MIPOL1: variants seen among roughly 807,000 people sequenced by gnomAD.
The protein encoded by MIPOL1 is mirror-image polydactyly gene 1 protein.
Under a neutral mutation model 60.9 loss-of-function variants are expected in MIPOL1, and 57 were observed. The ratio of observed to expected loss-of-function variants is 0.94; its 90% CI spans 0.76 to 1.17. MIPOL1 has a LOEUF of 1.17. Among genes scored for constraint, MIPOL1 ranks in the 50% most tolerant of loss-of-function variants. The probability of loss-of-function intolerance (pLI) is 0.00; values close to 1 mark genes in which losing one functional copy is unlikely to be tolerated. For missense variants in MIPOL1, 551 were observed against 511.6 expected (o/e 1.08, Z -0.74); for synonymous variants, 179 against 168.8 (o/e 1.06, Z -0.47).
At chr14:37,204,007 C>T (rs902604109) in intron 1 of MIPOL1, among the ~76,000 whole-genome samples, 15 of 152,036 alleles carry the variant, frequency 9.9e-5, no homozygotes, top group African/African-American at 3.6e-4. Context: ...TGGTCTTGAT[C>T]TCCTGACCAC....
At chr14:37,325,463 T>C (rs888006263) in intron 9 of MIPOL1, among the ~76,000 whole-genome samples, 10 of 152,014 alleles carry the variant, frequency 6.6e-5, no homozygotes, top group Non-Finnish European at 1.5e-4. Context: ...CCTTTTAATA[T>C]TTTATTTCTT....
intron 11 of MIPOL1, among the ~76,000 whole-genome samples, chr14:37,479,601 A>G (rs1396041578): frequency 2.6e-5 from 4 of 152,138 alleles, no homozygotes; most frequent in Non-Finnish European, 1.5e-5. Context: ...ACATATTTCA[A>G]ATAAGTAACA....
chr14:37,419,632 A>T (rs375820500), intron 10 of MIPOL1, among the ~76,000 whole-genome samples: 1 of 152,196 alleles, frequency 6.6e-6, no homozygotes, highest in East Asian at 1.9e-4. Context: ...AAAGTATAAA[A>T]TATACTTGTA....
intron 10 of MIPOL1, among the ~76,000 whole-genome samples, chr14:37,378,658 A>C: frequency 6.6e-6 from 1 of 151,440 alleles, no homozygotes; most frequent in South Asian, 2.1e-4. Context: ...GAGGGAGGGA[A>C]GGAAAGAATG....
chr14:37,376,824 C>T (rs2092790015), intron 10 of MIPOL1, among the ~76,000 whole-genome samples: 1 of 152,078 alleles, frequency 6.6e-6, no homozygotes, highest in African/African-American at 2.4e-5. Flanking sequence ...CTGGATCATA[C>T]GTAAAAATAT....
chr14:37,502,236 A>G (rs1031493177), intron 12 of MIPOL1: 1 of 152,368 alleles, frequency 6.6e-6, no homozygotes, highest in Non-Finnish European at 1.5e-5. Context: ...AGCTCTGAAG[A>G]GGGAAGTGGT....
At chr14:37,221,175 C>T (rs574673591) in intron 1 of MIPOL1, among the ~76,000 whole-genome samples, 6 of 152,028 alleles carry the variant, frequency 3.9e-5, no homozygotes, top group East Asian at 1.9e-4. Flanking sequence ...GAGAATCTCA[C>T]GGTTTGGGTA....
At chr14:37,240,730 C>A (rs1218767257) in intron 1 of MIPOL1, among the ~76,000 whole-genome samples, 3 of 152,088 alleles carry the variant, frequency 2.0e-5, no homozygotes, top group Non-Finnish European at 4.4e-5. Context: ...TATCAGTAGG[C>A]TTTGCAGTGC....
At chr14:37,247,617 A>G (rs1023231128) in intron 2 of MIPOL1, among the ~76,000 whole-genome samples, 2 of 152,150 alleles carry the variant, frequency 1.3e-5, no homozygotes, top group African/African-American at 4.8e-5. Flanking sequence ...CTTAACCTGA[A>G]CTGTATATAC....
At chr14:37,365,876 G>A (rs951350955) in intron 9 of MIPOL1, among the ~76,000 whole-genome samples, 2 of 151,854 alleles carry the variant, frequency 1.3e-5, no homozygotes, top group Non-Finnish European at 2.9e-5. Context: ...TTATGGCTTC[G>A]ATTTCTTTAC....
At chr14:37,371,121 A>T (rs2092625633) in intron 10 of MIPOL1, among the ~76,000 whole-genome samples, 1 of 151,726 alleles carries the variant, frequency 6.6e-6, no homozygotes, top group Admixed American at 6.6e-5. Flanking sequence ...AATAGATGGA[A>T]TAATTTTTTT....
chr14:37,386,096 G>T (rs2093059510), intron 10 of MIPOL1, among the ~76,000 whole-genome samples: 1 of 151,820 alleles, frequency 6.6e-6, no homozygotes, highest in African/African-American at 2.4e-5. Context: ...TCTCTTAGCT[G>T]GTCATTGTTT....
At chr14:37,448,361 TG>T (rs953395381) in intron 11 of MIPOL1, among the ~76,000 whole-genome samples, 1 of 152,242 alleles carries the variant, frequency 6.6e-6, no homozygotes, top group Non-Finnish European at 1.5e-5. Context: ...GTCCTGTACA[TG>T]CTACTTAGTT....
chr14:37,222,899 C>G (rs1394077510), intron 1 of MIPOL1, among the ~76,000 whole-genome samples: 1 of 152,118 alleles, frequency 6.6e-6, no homozygotes, highest in Non-Finnish European at 1.5e-5. Context: ...AGCAACAGCC[C>G]TACTCCTTGG....
intron 9 of MIPOL1, among the ~76,000 whole-genome samples, chr14:37,314,257 T>C (rs751172871): frequency 8.5e-5 from 13 of 152,202 alleles, no homozygotes; most frequent in South Asian, 4.1e-4. Flanking sequence ...AGATCTTTCA[T>C]GTTCAACATT....
At chr14:37,375,933 A>G (rs1399096808) in intron 10 of MIPOL1, among the ~76,000 whole-genome samples, 1 of 151,908 alleles carries the variant, frequency 6.6e-6, no homozygotes, top group East Asian at 1.9e-4. Context: ...GCTCTTCCTT[A>G]CTTAGTCTTA....
chr14:37,386,614 G>A (rs2093075413), intron 10 of MIPOL1, among the ~76,000 whole-genome samples: 4 of 151,848 alleles, frequency 2.6e-5, no homozygotes. Context: ...TCCTTCCCAA[G>A]CTCACTGATG....
chr14:37,317,931 A>G (rs189782677), intron 9 of MIPOL1, among the ~76,000 whole-genome samples: 1 of 152,202 alleles, frequency 6.6e-6, no homozygotes, highest in South Asian at 2.1e-4. Context: ...TAAAACTTGC[A>G]AACAATTTCC....
chr14:37,426,630 A>G (rs767460279), intron 11 of MIPOL1, among the ~76,000 whole-genome samples: 39 of 136,440 alleles, frequency 2.9e-4, no homozygotes, highest in Non-Finnish European at 3.9e-4. Context: ...GTATATATGT[A>G]TATATATATA....
Sources: allele counts gnomAD v4.1 joint callset (sites outside exome capture counted in the v4.1 genomes callset), GRCh38; gene constraint gnomAD v4.1.1; transcripts MANE v1.5; gene names NCBI Gene and HGNC (gene_info 2026-07-23, HGNC 2026-07-21).